Variants in DACH1 observed in about 807,000 individuals in gnomAD.
DACH1 encodes dachshund family transcription factor 1, also known as dachshund homolog 1.
In DACH1, 12 loss-of-function variants were observed where a neutral mutation model predicts 54.2. That is an observed-to-expected ratio of 0.22 (90% confidence interval 0.14 to 0.36). DACH1 has a LOEUF of 0.36. Ranked by LOEUF, DACH1 falls within the 10% of genes least tolerant of loss-of-function variation. The probability of loss-of-function intolerance (pLI) is 1.00; values close to 1 mark genes in which losing one functional copy is unlikely to be tolerated. For synonymous variants in DACH1, 386 were observed against 366.2 expected (o/e 1.05, Z -0.62); for missense variants, 805 against 929.8 (o/e 0.87, Z 1.75).
At chr13:71,627,881 T>C (rs1387022352) in intron 3 of DACH1, among the ~76,000 whole-genome samples, 2 of 152,120 alleles carry the variant, frequency 1.3e-5, no homozygotes, top group East Asian at 3.9e-4. Context: ...AAGCAGTTGA[T>C]GGTGGTAAGA....
At chr13:71,661,982 T>C (rs977365727) in intron 2 of DACH1, among the ~76,000 whole-genome samples, 4 of 152,120 alleles carry the variant, frequency 2.6e-5, no homozygotes, top group South Asian at 2.1e-4. Flanking sequence ...AATATTCTCA[T>C]TTCCTTCAAC....
intron 1 of DACH1, among the ~76,000 whole-genome samples, chr13:71,773,936 A>G (rs1222736740): frequency 6.6e-6 from 1 of 151,828 alleles, no homozygotes; most frequent in African/African-American, 2.4e-5. Flanking sequence ...CTTTCTATAA[A>G]TAGAATAATG....
intron 2 of DACH1, among the ~76,000 whole-genome samples, chr13:71,671,639 G>A (rs867142484): frequency 6.6e-6 from 1 of 151,922 alleles, no homozygotes; most frequent in African/African-American, 2.4e-5. Flanking sequence ...TTCTAAAGTG[G>A]GAAAATTTAC....
rs974058939 is a variant in DACH1, at chr13:71,611,453, G to T, written c.1126+19103C>A. On this transcript the variant is annotated intron_variant, in intron 3 of 10. Transcript: ENST00000613252. Reference sequence around the variant, plus strand: ...TGTTAAGGCTTTAGTATTAATAGCGGAATAGATCTTCAACAGGGATTCATG... The same window carrying T: ...TGTTAAGGCTTTAGTATTAATAGCGTAATAGATCTTCAACAGGGATTCATG... 4.6e-5 allele frequency among the ~76,000 whole-genome samples: 7 copies of T among 152,290 alleles called. No individual in the cohort carries two copies. The East Asian group carries it at 1.4e-3, about 29-fold the overall frequency.
intron 1 of DACH1, among the ~76,000 whole-genome samples, chr13:71,812,273 T>C (rs1284921565): frequency 2.6e-5 from 4 of 152,186 alleles, no homozygotes; most frequent in Non-Finnish European, 5.9e-5. Context: ...TTGTCTCCCT[T>C]ACAGAATGTA....
chr13:71,842,031 T>G (rs955096850), intron 1 of DACH1, among the ~76,000 whole-genome samples: 1 of 152,160 alleles, frequency 6.6e-6, no homozygotes, highest in African/African-American at 2.4e-5. Context: ...TACAACTCAT[T>G]TTAGGCTGCA....
intron 3 of DACH1, among the ~76,000 whole-genome samples, chr13:71,621,057 T>C (rs1440862828): frequency 6.6e-6 from 1 of 151,938 alleles, no homozygotes; most frequent in Non-Finnish European, 1.5e-5. Flanking sequence ...TAAACACACA[T>C]ATGTTATCTA....
chr13:71,693,470 T>TA (rs1491521684), intron 1 of DACH1, among the ~76,000 whole-genome samples: 1 of 86,474 alleles, frequency 1.2e-5, no homozygotes, highest in African/African-American at 1.0e-4. Flanking sequence ...GCCCGGCAAA[T>TA]TTTTTTTTTT....
chr13:71,812,788 G>T (rs540977394), intron 1 of DACH1, among the ~76,000 whole-genome samples: 2 of 152,136 alleles, frequency 1.3e-5, no homozygotes, highest in African/African-American at 4.8e-5. Context: ...AACCTCAAAT[G>T]CACTTATCCT....
chr13:71,556,926 T>A, intron 6 of DACH1, 98 bp downstream of exon 6: 1 of 1,250,290 alleles, frequency 8.0e-7, no homozygotes, highest in East Asian at 2.7e-5. Flanking sequence ...TATGCTTTTT[T>A]TTTACATGAT....
intron 1 of DACH1, among the ~76,000 whole-genome samples, chr13:71,813,040 A>C (rs750051215): frequency 2.6e-5 from 4 of 152,166 alleles, no homozygotes; most frequent in Non-Finnish European, 4.4e-5. Context: ...CTTATACTAA[A>C]ATCTTTTCTG....
At chr13:71,491,119 T>G (rs191635189) in intron 6 of DACH1, among the ~76,000 whole-genome samples, 1 of 152,220 alleles carries the variant, frequency 6.6e-6, no homozygotes, top group African/African-American at 2.4e-5. Flanking sequence ...TTGGCTGTTG[T>G]GTGGATTAAA....
At chr13:71,815,395 T>TA (rs1349593477) in intron 1 of DACH1, among the ~76,000 whole-genome samples, 1 of 152,088 alleles carries the variant, frequency 6.6e-6, no homozygotes, top group Admixed American at 6.5e-5. Context: ...TACCATTGCC[T>TA]AAAATAACAC....
intron 1 of DACH1, among the ~76,000 whole-genome samples, chr13:71,855,051 A>G (rs903430786): frequency 6.6e-6 from 1 of 152,078 alleles, no homozygotes; most frequent in East Asian, 1.9e-4. Flanking sequence ...TATGATAGTA[A>G]GGAAAGTGGT....
chr13:71,815,683 T>C (rs545752670), intron 1 of DACH1, among the ~76,000 whole-genome samples: 1 of 152,324 alleles, frequency 6.6e-6, no homozygotes, highest in African/African-American at 2.4e-5. Context: ...ATAAATGATA[T>C]AAGCAAAATT....
chr13:71,731,992 A>G (rs1883771419), intron 1 of DACH1, among the ~76,000 whole-genome samples: 1 of 152,210 alleles, frequency 6.6e-6, no homozygotes, highest in Non-Finnish European at 1.5e-5. Flanking sequence ...GTAAACTGCT[A>G]AGTACACCAT....
chr13:71,694,503 T>C (rs1265642289), intron 1 of DACH1, among the ~76,000 whole-genome samples: 2 of 152,242 alleles, frequency 1.3e-5, no homozygotes, highest in African/African-American at 4.8e-5. Flanking sequence ...TGATTTACAT[T>C]CATTGAATTT....
intron 3 of DACH1, among the ~76,000 whole-genome samples, chr13:71,585,867 G>C (rs897842026): frequency 7.9e-5 from 12 of 151,982 alleles, no homozygotes; most frequent in Non-Finnish European, 1.8e-4. Context: ...CAGGATTCCT[G>C]AATCTCATAT....
intron 3 of DACH1, among the ~76,000 whole-genome samples, chr13:71,615,394 T>C (rs1593989750): frequency 6.6e-6 from 1 of 152,184 alleles, no homozygotes; most frequent in South Asian, 2.1e-4. Context: ...TTAAAGGAAG[T>C]CTTATGTGCA....
Sources: gnomAD v4.1 joint callset for allele counts (sites outside exome capture counted in the v4.1 genomes callset) on GRCh38, gnomAD v4.1.1 for gene constraint, MANE v1.5 for transcripts, NCBI Gene and HGNC (gene_info 2026-07-23, HGNC 2026-07-21) for gene names.